Variants in SHISA6 observed in about 807,000 individuals in gnomAD.
The protein encoded by SHISA6 is protein shisa-6.
A neutral mutation model predicts 47.9 loss-of-function variants in SHISA6; 22 were observed. The observed-to-expected ratio is 0.46, with a 90% CI of 0.33 to 0.66. The LOEUF (loss-of-function observed/expected upper bound fraction) is 0.66, where lower values mean the gene tolerates loss of function less well. Among genes scored for constraint, SHISA6 ranks in the 30% least tolerant of loss-of-function variants. The probability of loss-of-function intolerance (pLI) is 0.02; values close to 1 mark genes in which losing one functional copy is unlikely to be tolerated. For missense variants in SHISA6, 680 were observed against 764.6 expected (o/e 0.89, Z 1.30); for synonymous variants, 388 against 337.8 (o/e 1.15, Z -1.63).
chr17:11,279,523 G>A (rs72824604), intron 2 of SHISA6, among the ~76,000 whole-genome samples: 20,333 of 152,054 alleles, frequency 0.13, 1,873 homozygotes, highest in East Asian at 0.41. Flanking sequence ...GCAATGCCCT[G>A]TGGTCCATGT....
chr17:11,366,704 C>A (rs2142234231), intron 2 of SHISA6, among the ~76,000 whole-genome samples: 1 of 152,072 alleles, frequency 6.6e-6, no homozygotes, highest in Non-Finnish European at 1.5e-5. Flanking sequence ...TGCAAATCGT[C>A]CTGATGGGCC....
chr17:11,387,196 A>G (rs77560623), intron 3 of SHISA6, among the ~76,000 whole-genome samples: 5,333 of 152,242 alleles, frequency 0.035, 177 homozygotes, highest in Admixed American at 0.088. Context: ...AACCCTGAAC[A>G]GATCTCGTCA....
chr17:11,455,060 T>C (rs1158221917), intron 3 of SHISA6, among the ~76,000 whole-genome samples: 1 of 151,936 alleles, frequency 6.6e-6, no homozygotes, highest in African/African-American at 2.4e-5. Flanking sequence ...TCCAAGCCAC[T>C]CCAGAGGCTG....
intron 2 of SHISA6, among the ~76,000 whole-genome samples, chr17:11,360,017 G>A (rs1912210089): frequency 6.6e-6 from 1 of 152,200 alleles, no homozygotes; most frequent in South Asian, 2.1e-4. Flanking sequence ...ACATGCACAT[G>A]TATGTTTATT....
chr17:11,347,903 A>T (rs1474654097), intron 2 of SHISA6, among the ~76,000 whole-genome samples: 1 of 152,196 alleles, frequency 6.6e-6, no homozygotes, highest in African/African-American at 2.4e-5. Flanking sequence ...CTTCTCTTTC[A>T]TGCGCTGACT....
chr17:11,350,957 C>A (rs550555756), intron 2 of SHISA6, among the ~76,000 whole-genome samples: 1 of 152,226 alleles, frequency 6.6e-6, no homozygotes, highest in East Asian at 1.9e-4. Context: ...GAATACTATG[C>A]AGCCATAAAA....
intron 2 of SHISA6, among the ~76,000 whole-genome samples, chr17:11,269,041 TCTG>T (rs1292938564): frequency 0.024 from 3,486 of 146,158 alleles, 121 homozygotes; most frequent in African/African-American, 0.085. Flanking sequence ...TTTTTGTTTG[TCTG>T]TTTTGTTTTT....
chr17:11,480,473 C>T (rs1916182071), intron 3 of SHISA6, among the ~76,000 whole-genome samples: 1 of 152,154 alleles, frequency 6.6e-6, no homozygotes, highest in Non-Finnish European at 1.5e-5. Context: ...CCACACCGGA[C>T]AGCTGCCAGG....
At chr17:11,468,612 C>G (rs532703245) in intron 3 of SHISA6, among the ~76,000 whole-genome samples, 2 of 152,030 alleles carry the variant, frequency 1.3e-5, no homozygotes, top group South Asian at 4.1e-4. Flanking sequence ...AGTCCAAGCC[C>G]GATTCTCACT....
chr17:11,347,551 T>TTCC (rs1285159500), intron 2 of SHISA6, among the ~76,000 whole-genome samples: 4 of 152,220 alleles, frequency 2.6e-5, no homozygotes, highest in African/African-American at 9.6e-5. Flanking sequence ...AGATATTATT[T>TTCC]GCATCTCACA....
Position 11,396,905 on chromosome 17 carries a change from A to C in SHISA6, c.895+17396A>C, listed in dbSNP as rs138693510. ...CACATGTATCTCAGAACTTAAAGTAAAATTTTAAAAAAAGAATTAGAAATT... is the reference window on the plus strand; with the variant it reads ...CACATGTATCTCAGAACTTAAAGTACAATTTTAAAAAAAGAATTAGAAATT... On this transcript the variant is annotated intron_variant, in intron 3 of 5. Coordinates refer to ENST00000441885, the MANE Select transcript of SHISA6 (RefSeq NM_207386.4). Among the ~76,000 whole-genome samples, 16 of 152,292 alleles carry C rather than the reference A, an allele frequency of 1.1e-4. 1 individual carries two copies. In the East Asian group the frequency reaches 3.1e-3, roughly 29 times the overall value.
chr17:11,484,053 A>G (rs781164496), intron 3 of SHISA6, among the ~76,000 whole-genome samples: 3 of 152,234 alleles, frequency 2.0e-5, no homozygotes, highest in Non-Finnish European at 4.4e-5. Flanking sequence ...AAGTAAAAAC[A>G]TATTTACAAA....
intron 2 of SHISA6, among the ~76,000 whole-genome samples, chr17:11,275,480 C>A (rs75673815): frequency 6.6e-6 from 1 of 151,966 alleles, no homozygotes; most frequent in East Asian, 1.9e-4. Flanking sequence ...GGATGTCAAG[C>A]GTCAGCAATA....
At chr17:11,310,175 G>C (rs1910267955) in intron 2 of SHISA6, among the ~76,000 whole-genome samples, 1 of 152,152 alleles carries the variant, frequency 6.6e-6, no homozygotes, top group African/African-American at 2.4e-5. Context: ...TTTTCTTACT[G>C]TCTTGACTTG....
chr17:11,305,044 G>T (rs1047672476), intron 2 of SHISA6, among the ~76,000 whole-genome samples: 1 of 152,230 alleles, frequency 6.6e-6, no homozygotes, highest in Non-Finnish European at 1.5e-5. Context: ...TTGACCTGTG[G>T]TGTTGGGGCT....
intron 3 of SHISA6, among the ~76,000 whole-genome samples, chr17:11,448,751 G>A (rs2908947): frequency 0.34 from 51,379 of 151,854 alleles, 9,337 homozygotes; most frequent in Non-Finnish European, 0.42. Context: ...GCTTGAACCC[G>A]AGAGGTGGAG....
chr17:11,381,946 A>G (rs1260404304), intron 3 of SHISA6, among the ~76,000 whole-genome samples: 7 of 152,174 alleles, frequency 4.6e-5, no homozygotes, highest in Admixed American at 4.6e-4. Flanking sequence ...CTTTCCAGGA[A>G]TGTACCTTGT....
In SHISA6 at chr17:11,272,729, G is replaced by A. The variant is rs114901031; in HGVS notation, c.799+9203G>A. 8.6e-3 allele frequency among the ~76,000 whole-genome samples: 1,306 copies of A among 152,296 alleles called. 23 individuals are homozygous for A. The highest frequency in any genetic ancestry group is 0.03 in the African/African-American group (1,259 of 41,558). ...CCAGTAAGTACTCACAAAGTGACTA[G>A]CAATGATGTGAACCCCATATTTGGG... On this transcript the variant is annotated intron_variant, in intron 2 of 5. Coordinates refer to ENST00000441885, the MANE Select transcript of SHISA6 (RefSeq NM_207386.4).
intron 3 of SHISA6, among the ~76,000 whole-genome samples, chr17:11,398,318 G>A (rs1049649835): frequency 1.3e-5 from 2 of 152,020 alleles, no homozygotes; most frequent in Admixed American, 1.3e-4. Flanking sequence ...GGATATGATG[G>A]TGATGATGAT....
Sources: allele counts gnomAD v4.1 joint callset (sites outside exome capture counted in the v4.1 genomes callset), GRCh38; gene constraint gnomAD v4.1.1; transcripts MANE v1.5; gene names NCBI Gene and HGNC (gene_info 2026-07-23, HGNC 2026-07-21).